Variants in ZNF653 observed in about 807,000 individuals in gnomAD.
The protein encoded by ZNF653 is zinc finger protein 653, also known as 67 kDa zinc finger protein.
In ZNF653, 37 loss-of-function variants were observed where a neutral mutation model predicts 59.9. The ratio of observed to expected loss-of-function variants is 0.62; its 90% confidence interval spans 0.48 to 0.81. The LOEUF is 0.81. Ranked by LOEUF, ZNF653 falls within the 40% of genes least tolerant of loss-of-function variation. The pLI is 0.00. For synonymous variants in ZNF653, 435 were observed against 371.8 expected (o/e 1.17, Z -1.96); for missense variants, 808 against 881.1 (o/e 0.92, Z 1.05).
chr19:11,487,404 C>T lies in ZNF653; in HGVS notation c.1059G>A (p.Glu353=), dbSNP rs1971479706. 1.2e-6 allele frequency: 2 copies of T among 1,612,264 alleles called. No homozygotes were observed. Among genetic ancestry groups the T allele is most frequent in the Non-Finnish European group, 1.7e-6 (2 of 1,179,918 alleles). Residue 353 remains glutamate, a synonymous_variant, in exon 4 of 9, where the codon GAG becomes GAA. Transcript: ENST00000293771. This position sits in a 1 kb window ranked among gnomAD's most constrained non-coding sequence, Gnocchi z 5.1. ...CACCCTCCATCATGGCACAGGGCAC[C>T]TCCTCGCCCAGTCCACTGCCGGGGA... The part of the protein sequence containing the change: ...SGVPGSGLGE[E]VPCAMMEGVA...
In ZNF653 at chr19:11,505,489, C is replaced by G. The variant is rs966325043; in HGVS notation, c.298G>C (p.Gly100Arg). Residue 100 changes from glycine to arginine, a missense_variant and splice_region_variant, in exon 1 of 9, where the codon GGG becomes CGG. Transcript: ENST00000293771. The part of the protein sequence containing the change: ...LERGQRSGRH[G>R]KPWEQVPKKP... ...TCCCTCGGGGCCAGGCCCCCTCACC[C>G]GTGGCGGCCGCTCCGCTGGCCGCGC... 2.4e-5 allele frequency: 35 copies of G among 1,484,160 alleles called. No homozygotes were observed. Among genetic ancestry groups the G allele is most frequent in the Non-Finnish European group, 3.1e-5 (35 of 1,129,696 alleles). 91.9% of individuals were successfully genotyped at this position (1,484,160 alleles called of 1,614,324 possible). A position where few individuals can be genotyped will look rare whatever the true frequency, so the allele number is the denominator to read the frequency against.
chr19:11,496,096 G>A lies in ZNF653; in HGVS notation c.413C>T (p.Pro138Leu), dbSNP rs758886733. 8.1e-6 allele frequency: 13 copies of A among 1,614,050 alleles called. No individual in the cohort carries two copies. The highest frequency in any genetic ancestry group is 3.3e-5 in the Admixed American group (2 of 60,026). The change falls in exon 3 of 9, where the codon CCG becomes CTG. Residue 138 changes from proline (P) to leucine (L), a missense_variant. By Grantham distance (98) the Pro-to-Leu change is moderately conservative. Transcript: ENST00000293771. ...TAGCTCCGCCAGGTGCGGCTCGTAC[G>A]GGCAGCGGTGCTTGTGGTCCTCGTA... is the stretch of plus-strand genomic sequence containing the variant. ...IWYEDHKHRC[P>L]YEPHLAELDP...
At chr19:11,496,399 G>A (rs1251453558) in intron 2 of ZNF653, among the ~76,000 whole-genome samples, 1 of 152,170 alleles carries the variant, frequency 6.6e-6, no homozygotes, top group African/African-American at 2.4e-5. Context: ...GGAGCCTGGT[G>A]CACAGTAGGT....
intron 3 of ZNF653, among the ~76,000 whole-genome samples, chr19:11,491,902 C>A (rs1421256766): frequency 6.6e-6 from 1 of 151,956 alleles, no homozygotes; most frequent in Non-Finnish European, 1.5e-5. Flanking sequence ...CTGTCTGACA[C>A]CTGAGAGGGC....
intron 7 of ZNF653, among the ~76,000 whole-genome samples, chr19:11,485,356 G>T (rs943756333): frequency 6.6e-6 from 1 of 152,092 alleles, no homozygotes; most frequent in East Asian, 1.9e-4. Flanking sequence ...GAGCAGTGGC[G>T]GTGTCAGCTG....
chr19:11,487,471 G>C lies in ZNF653; in HGVS notation c.992C>G (p.Thr331Arg), dbSNP rs756902118. 12 of 1,613,304 alleles carry C rather than the reference G, an allele frequency of 7.4e-6. No homozygotes were observed. The highest frequency in any genetic ancestry group is 9.3e-6 in the Non-Finnish European group (11 of 1,179,986). The change falls in exon 4 of 9, where the codon ACG (threonine) becomes AGG (arginine). Residue 331 changes from threonine to arginine, a missense_variant. Transcript: ENST00000293771. The surrounding 1 kb of genome is among the most constrained non-coding windows in gnomAD (Gnocchi z 5.1). ...IIAGPGYDAL[T>R]AEGIHLNMAA... is the part of the protein sequence containing the mutation. ...CATGTTGAGGTGAATGCCCTCGGCC[G>C]TGAGAGCGTCGTAACCAGGGCCCGC...
chr19:11,490,860 C>G, intron 3 of ZNF653, among the ~76,000 whole-genome samples: 1 of 152,170 alleles, frequency 6.6e-6, no homozygotes, highest in East Asian at 1.9e-4. Flanking sequence ...TGTATCTTCC[C>G]TTCTACAAAG....
Position 11,495,778 on chromosome 19 carries a change from G to A in ZNF653, c.559+172C>T. ...TCAAGCTCTGTAAGGACGCAAAGAG[G>A]GCAAGGCCACGAAGGACTCAGCCTG... On this transcript the variant is annotated intron_variant, in intron 3 of 8. Coordinates refer to ENST00000293771, the MANE Select transcript of ZNF653 (RefSeq NM_138783.4). The surrounding 1 kb of genome is among the most constrained non-coding windows in gnomAD (Gnocchi z 4.9). The A allele has an allele frequency of 1.5e-6, 1 of 666,398 alleles. No homozygotes were observed. The highest frequency in any genetic ancestry group is 4.2e-4 in the Middle Eastern group (1 of 2,396). 41.3% of individuals were successfully genotyped at this position (666,398 alleles called of 1,614,324 possible). A position where few individuals can be genotyped will look rare whatever the true frequency, so the allele number is the denominator to read the frequency against.
At chr19:11,497,414 C>T (rs1568396596) in intron 2 of ZNF653, among the ~76,000 whole-genome samples, 1 of 152,196 alleles carries the variant, frequency 6.6e-6, no homozygotes, top group African/African-American at 2.4e-5. Context: ...CTGCCCCTTC[C>T]AAGCTGGGTA....
chr19:11,498,255 C>T, intron 2 of ZNF653, 41 bp downstream of exon 2: 2 of 1,613,506 alleles, frequency 1.2e-6, no homozygotes, highest in East Asian at 2.2e-5. Context: ...TCCCACCGCT[C>T]CCAACTCTCC....
rs1227130727 is a variant in ZNF653 at position 11,505,767 on chromosome 19, T to G, written c.20A>C (p.Glu7Ala). 4 of 1,391,860 alleles carry G rather than the reference T, an allele frequency of 2.9e-6. No individual in the cohort carries two copies. Among genetic ancestry groups the G allele is most frequent in the African/African-American group, 1.6e-5 (1 of 61,856 alleles). The allele number at this position is 1,391,860 out of a possible 1,614,324, so 86.2% of individuals were successfully genotyped here. ...CTCAGCCTCCGCCTCCGCCTCGGGC[T>G]CTAGCGCCCGCTCCGCCATCCCCCC... is the stretch of plus-strand genomic sequence containing the variant. MAERAL[E>A]PEAEAEAEAG... The change falls in exon 1 of 9, where the codon GAG becomes GCG. Residue 7 changes from glutamate (E) to alanine (A), a missense_variant. Glu to Ala is a moderately radical substitution (Grantham distance 107). Coordinates refer to ENST00000293771, the MANE Select transcript of ZNF653 (RefSeq NM_138783.4).
intron 7 of ZNF653, 151 bp downstream of exon 7, chr19:11,485,505 A>G (rs1971456245): frequency 1.7e-6 from 1 of 604,624 alleles, no homozygotes; most frequent in African/African-American, 1.9e-5. Context: ...ACATAGCTAC[A>G]GCTTACTGAG....
chr19:11,500,919 G>A (rs926925639), intron 1 of ZNF653: 5 of 152,440 alleles, frequency 3.3e-5, no homozygotes, highest in African/African-American at 4.8e-5. Context: ...CCCCCACACA[G>A]GGCTTTCTCC....
At chr19:11,490,760 C>A (rs562229891) in intron 3 of ZNF653, among the ~76,000 whole-genome samples, 26 of 152,242 alleles carry the variant, frequency 1.7e-4, no homozygotes, top group South Asian at 1.2e-3. Flanking sequence ...CTGCCTACAC[C>A]TCCATGTCGA....
chr19:11,486,194 C>T (rs1971463665), intron 6 of ZNF653, among the ~76,000 whole-genome samples: 1 of 152,260 alleles, frequency 6.6e-6, no homozygotes, highest in East Asian at 1.9e-4. Flanking sequence ...CTCCTGACCT[C>T]GTGATCCGCC....
rs543494461 is a variant in ZNF653 at position 11,495,183 on chromosome 19, T to C, written c.559+767A>G. Among the ~76,000 whole-genome samples, 8 of 152,154 alleles carry C rather than the reference T, an allele frequency of 5.3e-5. No homozygotes were observed. Among genetic ancestry groups the C allele is most frequent in the Non-Finnish European group, 7.4e-5 (5 of 67,986 alleles). On this transcript the variant is annotated intron_variant, in intron 3 of 8. Transcript: ENST00000293771. The surrounding 1 kb of genome is among the most constrained non-coding windows in gnomAD (Gnocchi z 4.9). ...GTGCCCTACGCTCCTTCTCCAGCCATTGCCGAACCCCTGAGGCTGCCGGCA... is the reference window on the plus strand; with the variant it reads ...GTGCCCTACGCTCCTTCTCCAGCCACTGCCGAACCCCTGAGGCTGCCGGCA...
In ZNF653 at chr19:11,483,670, TGGTCAGGTG is replaced by T. The variant is rs779989160; in HGVS notation, c.*3_*11del. The T allele has an allele frequency of 5.3e-4, 852 of 1,605,744 alleles. No individual in the cohort carries two copies. The highest frequency in any genetic ancestry group is 6.6e-4 in the Non-Finnish European group (775 of 1,173,270). ...CGGACGAATAAATAGGGGCGGTCAGTGGTCAGGTGGGTCAGGTGGGCTTGTGATCCGGGT... is the reference window on the plus strand; with the variant it reads ...CGGACGAATAAATAGGGGCGGTCAGTGGTCAGGTGGGCTTGTGATCCGGGT... On this transcript the variant is annotated 3_prime_UTR_variant, in exon 9 of 9. Coordinates refer to ENST00000293771, the MANE Select transcript of ZNF653 (RefSeq NM_138783.4).
intron 2 of ZNF653, among the ~76,000 whole-genome samples, chr19:11,496,929 C>G (rs76657200): frequency 6.6e-6 from 1 of 152,224 alleles, no homozygotes; most frequent in African/African-American, 2.4e-5. Context: ...GTCACCTCCC[C>G]GCCCTCACCC....
chr19:11,502,637 C>T (rs1276543403), intron 1 of ZNF653, among the ~76,000 whole-genome samples: 1 of 151,718 alleles, frequency 6.6e-6, no homozygotes, highest in Non-Finnish European at 1.5e-5. Flanking sequence ...TCAAGACCAG[C>T]CTGGGCAATA....
Sources: gnomAD v4.1 joint callset for allele counts (sites outside exome capture counted in the v4.1 genomes callset) on GRCh38, gnomAD v4.1.1 for gene constraint, Gnocchi (gnomAD v3.1) non-coding constraint, MANE v1.5 for transcripts, NCBI Gene and HGNC (gene_info 2026-07-23, HGNC 2026-07-21) for gene names.